Variants in UBE2R2 observed in about 807,000 individuals in gnomAD.
The protein encoded by UBE2R2 is ubiquitin-conjugating enzyme E2 R2.
Under a neutral mutation model 27.8 loss-of-function variants are expected in UBE2R2, and 1 was observed. That is an observed-to-expected ratio of 0.04 (90% CI 0.01 to 0.17). UBE2R2 has a LOEUF of 0.17. Ranked by LOEUF, UBE2R2 falls within the 10% of genes least tolerant of loss-of-function variation. UBE2R2 has a pLI of 1.00. For missense variants in UBE2R2, 100 were observed against 291.0 expected (o/e 0.34, Z 4.78); for synonymous variants, 106 against 113.3 (o/e 0.94, Z 0.41).
At chr9:33,822,094 A>ATTT (rs750703942) in intron 1 of UBE2R2, among the ~76,000 whole-genome samples, 3 of 139,698 alleles carry the variant, frequency 2.1e-5, no homozygotes, top group Non-Finnish European at 3.1e-5. Flanking sequence ...ATATATATAT[A>ATTT]TATTTTTTTT....
At position 33,865,901 on chromosome 9, in the gene UBE2R2, G is replaced by A. The variant is rs117960748; in HGVS notation, c.178-20980G>A. ...GGCTAGAGTGCAGTGGAGTGATGTC[G>A]GCTCACTGTAACTTCCACGTCCCAG... is the stretch of plus-strand genomic sequence containing the variant. On this transcript the variant is annotated intron_variant, in intron 1 of 4. Coordinates refer to ENST00000263228, the MANE Select transcript of UBE2R2 (RefSeq NM_017811.4). Among the ~76,000 whole-genome samples, 102 of 149,362 alleles carry A rather than the reference G, an allele frequency of 6.8e-4. 1 individual carries two copies. The East Asian group carries it at 0.018, about 26-fold the overall frequency.
At chr9:33,883,481 C>T (rs1482451610) in intron 1 of UBE2R2, among the ~76,000 whole-genome samples, 1 of 151,878 alleles carries the variant, frequency 6.6e-6, no homozygotes, top group African/African-American at 2.4e-5. Flanking sequence ...TTTGGGAGGC[C>T]GAGGCAGGCA....
intron 2 of UBE2R2, among the ~76,000 whole-genome samples, chr9:33,891,279 T>C (rs1443143863): frequency 6.6e-6 from 1 of 151,734 alleles, no homozygotes; most frequent in African/African-American, 2.4e-5. Flanking sequence ...GACTTCGTGA[T>C]CCACCTGCCT....
At chr9:33,851,469 C>G (rs1445779144) in intron 1 of UBE2R2, among the ~76,000 whole-genome samples, 1 of 152,164 alleles carries the variant, frequency 6.6e-6, no homozygotes, top group Non-Finnish European at 1.5e-5. Flanking sequence ...CTCTTTCAGC[C>G]TGTAATTGTT....
Position 33,817,904 on chromosome 9 carries a change from C to G in UBE2R2, c.147C>G (p.Pro49=). The change falls in exon 1 of 5, where the codon CCC becomes CCG. Residue 49 remains proline (P), a synonymous_variant. Transcript: ENST00000263228. ...YNWEVAIFGP[P]NTLYEGGYFK... is the part of the protein sequence containing the mutation. ...GGGAGGTGGCCATCTTCGGACCCCC[C>G]AACACCCTCTACGAAGGCGGCTACT... 2 of 1,611,248 alleles carry G rather than the reference C, an allele frequency of 1.2e-6. No individual in the cohort carries two copies. Among genetic ancestry groups the G allele is most frequent in the Non-Finnish European group, 1.7e-6 (2 of 1,178,450 alleles).
At chr9:33,854,454 T>G (rs10971737) in intron 1 of UBE2R2, among the ~76,000 whole-genome samples, 11,995 of 151,962 alleles carry the variant, frequency 0.079, 683 homozygotes, top group Non-Finnish European at 0.12. Flanking sequence ...CAAGTAGCTG[T>G]GGTTACAGGT....
intron 3 of UBE2R2, among the ~76,000 whole-genome samples, chr9:33,903,759 C>T (rs1345472595): frequency 6.6e-6 from 1 of 152,096 alleles, no homozygotes; most frequent in African/African-American, 2.4e-5. Context: ...ACACTTGAGT[C>T]CCCAGGCCAC....
In UBE2R2 at chr9:33,900,405, A is replaced by G. The variant is rs548606735; in HGVS notation, c.362+134A>G. The G allele has an allele frequency of 3.7e-4, 210 of 572,982 alleles. 2 individuals carry two copies. The highest frequency in any genetic ancestry group is 3.3e-3 in the South Asian group (152 of 46,706). The allele number at this position is 572,982 out of a possible 1,614,324, so 35.5% of individuals were successfully genotyped here. ...ATATTCAGTTTCTTTGTCTTTAGCT[A>G]GAGCTTTAAGAAATATGTATGCGTC... is the stretch of plus-strand genomic sequence containing the variant. On this transcript the variant is annotated intron_variant, in intron 3 of 4. Coordinates refer to ENST00000263228, the MANE Select transcript of UBE2R2 (RefSeq NM_017811.4).
At chr9:33,879,159 C>T (rs375714764) in intron 1 of UBE2R2, among the ~76,000 whole-genome samples, 29 of 152,210 alleles carry the variant, frequency 1.9e-4, no homozygotes, top group South Asian at 1.7e-3. Flanking sequence ...CTTGAGCCTG[C>T]GAGGTCAAGG....
chr9:33,824,252 G>C (rs1169134890), intron 1 of UBE2R2, among the ~76,000 whole-genome samples: 2 of 152,116 alleles, frequency 1.3e-5, no homozygotes, highest in East Asian at 3.8e-4. Flanking sequence ...AGGACTTTGG[G>C]AGGCCGAGGC....
At chr9:33,910,207 T>C (rs1587484256) in intron 3 of UBE2R2, among the ~76,000 whole-genome samples, 1 of 152,152 alleles carries the variant, frequency 6.6e-6, no homozygotes, top group African/African-American at 2.4e-5. Context: ...TACAGTGGCG[T>C]GATCTCAGCT....
intron 1 of UBE2R2, among the ~76,000 whole-genome samples, chr9:33,876,860 G>A (rs995218445): frequency 5.9e-5 from 9 of 152,106 alleles, no homozygotes; most frequent in African/African-American, 2.2e-4. Context: ...AGCTTGCAGT[G>A]AGCCGAGATC....
At chr9:33,878,603 G>A (rs1440112816) in intron 1 of UBE2R2, among the ~76,000 whole-genome samples, 2 of 152,184 alleles carry the variant, frequency 1.3e-5, no homozygotes, top group Non-Finnish European at 1.5e-5. Flanking sequence ...GGTTGACAGA[G>A]TGAGACCCCG....
At chr9:33,875,920 A>T (rs72725398) in intron 1 of UBE2R2, among the ~76,000 whole-genome samples, 12,002 of 152,304 alleles carry the variant, frequency 0.079, 680 homozygotes, top group Non-Finnish European at 0.12. Context: ...TTCATATGTT[A>T]ATAGCAAGTT....
intron 1 of UBE2R2, among the ~76,000 whole-genome samples, chr9:33,837,884 T>C (rs918865900): frequency 6.6e-6 from 1 of 152,168 alleles, no homozygotes; most frequent in Admixed American, 6.6e-5. Context: ...TTGATCATGG[T>C]TGTCGTTTCT....
chr9:33,832,264 C>A (rs549110368), intron 1 of UBE2R2, among the ~76,000 whole-genome samples: 1 of 150,090 alleles, frequency 6.7e-6, no homozygotes, highest in Non-Finnish European at 1.5e-5. Context: ...GCTGAGATTG[C>A]GCCATTGCAC....
chr9:33,878,607 G>GA (rs1197127903), intron 1 of UBE2R2, among the ~76,000 whole-genome samples: 1 of 152,130 alleles, frequency 6.6e-6, no homozygotes, highest in Non-Finnish European at 1.5e-5. Flanking sequence ...GACAGAGTGA[G>GA]ACCCCGTCTC....
chr9:33,920,233 A>ATAGTT lies in UBE2R2; in HGVS notation c.*2998_*3002dup, dbSNP rs1438851096. ...AACCAGCAGGACACACCTGACTTTA[A>ATAGTT]TAGTTTTAGCTGAAATTGTAGATGT... On this transcript the variant is annotated 3_prime_UTR_variant, in exon 5 of 5. Transcript: ENST00000263228. 1 of 152,638 alleles carries ATAGTT rather than the reference A, an allele frequency of 6.6e-6. No homozygotes were observed. Among genetic ancestry groups the ATAGTT allele is most frequent in the Non-Finnish European group, 1.5e-5 (1 of 68,040 alleles). 9.5% of individuals were successfully genotyped at this position (152,638 alleles called of 1,614,324 possible). A position where few individuals can be genotyped will look rare whatever the true frequency, so the allele number is the denominator to read the frequency against.
chr9:33,844,447 G>A (rs1488974603), intron 1 of UBE2R2, among the ~76,000 whole-genome samples: 6 of 149,634 alleles, frequency 4.0e-5, no homozygotes, highest in Non-Finnish European at 8.9e-5. Context: ...CAGATGATCC[G>A]CCCGACTCAG....
Sources: gnomAD v4.1 joint callset for allele counts (sites outside exome capture counted in the v4.1 genomes callset) on GRCh38, gnomAD v4.1.1 for gene constraint, MANE v1.5 for transcripts, NCBI Gene and HGNC (gene_info 2026-07-23, HGNC 2026-07-21) for gene names.